KREMEN1: variants seen among roughly 807,000 people sequenced by gnomAD.
KREMEN1 encodes kremen protein 1.
In KREMEN1, 30 loss-of-function variants were observed where a neutral mutation model predicts 46.5. The observed-to-expected ratio is 0.65, with a 90% CI of 0.48 to 0.88. The LOEUF is 0.88. Among genes scored for constraint, KREMEN1 ranks in the 40% least tolerant of loss-of-function variants. The pLI is 0.00. For synonymous variants in KREMEN1, 214 were observed against 230.6 expected (o/e 0.93, Z 0.65); for missense variants, 533 against 596.9 (o/e 0.89, Z 1.11).
At chr22:29,159,373 C>G (rs1030115114) in intron 9 of KREMEN1, among the ~76,000 whole-genome samples, 2 of 151,432 alleles carry the variant, frequency 1.3e-5, no homozygotes, top group African/African-American at 4.8e-5. Context: ...GTAATCCCAG[C>G]TCTTTGGGAG....
At chr22:29,118,516 C>T (rs2038279386) in intron 3 of KREMEN1, among the ~76,000 whole-genome samples, 2 of 152,154 alleles carry the variant, frequency 1.3e-5, no homozygotes, top group Non-Finnish European at 2.9e-5. Context: ...AGTCCAGGGT[C>T]AAGGTGCTGG....
chr22:29,153,026 G>A (rs941858392), intron 9 of KREMEN1, among the ~76,000 whole-genome samples: 6 of 152,208 alleles, frequency 3.9e-5, no homozygotes, highest in Admixed American at 1.3e-4. Context: ...AAAGGGGTGG[G>A]GAGTTCCCGG....
chr22:29,138,663 A>G lies in KREMEN1; in HGVS notation c.1004A>G (p.Asn335Ser), dbSNP rs751782546. Residue 335 changes from asparagine to serine, a missense_variant, in exon 7 of 9, where the codon AAC becomes AGC. Coordinates refer to ENST00000400335, the MANE Select transcript of KREMEN1 (RefSeq NM_001039570.3). Reference protein sequence around the residue: ...EELPQERPAVNQTVAEVITEQ... With the variant: ...EELPQERPAVSQTVAEVITEQ... ...CTGCCACAGGAGAGGCCCGCTGTCA[A>G]CCAGACGGTGGCCGAGGTGATCACG... 6.2e-7 allele frequency: 1 copy of G among 1,614,230 alleles called. No homozygotes were observed. Among genetic ancestry groups the G allele is most frequent in the Admixed American group, 1.7e-5 (1 of 60,036 alleles).
chr22:29,079,348 G>A (rs1185769416), intron 1 of KREMEN1, among the ~76,000 whole-genome samples: 4 of 152,212 alleles, frequency 2.6e-5, no homozygotes, highest in African/African-American at 7.2e-5. Context: ...CACCTCACAC[G>A]CAAAGTTGCC....
intron 3 of KREMEN1, among the ~76,000 whole-genome samples, chr22:29,117,149 C>CTGTG (rs147766740): frequency 6.9e-4 from 104 of 150,862 alleles, no homozygotes; most frequent in Admixed American, 3.1e-3. Context: ...GTGTGTGTGT[C>CTGTG]TGTGTGTGTG....
chr22:29,167,241 A>G (rs2039060560), exon 10 of KREMEN1: 5 of 714,026 alleles, frequency 7.0e-6, no homozygotes, highest in Non-Finnish European at 1.2e-5. Context: ...TGCCTGTAAT[A>G]CCAGCGTTTT....
chr22:29,142,237 G>A lies in KREMEN1; in HGVS notation c.*125G>A. On this transcript the variant is annotated 3_prime_UTR_variant, in exon 9 of 9. Coordinates refer to ENST00000400335, the MANE Select transcript of KREMEN1 (RefSeq NM_001039570.3). ...CTCCCTCTGCCTCGGCCTCTTCGGG[G>A]AAACCCTCCTCCTACAGACTAGGAA... is the stretch of plus-strand genomic sequence containing the variant. 4.3e-6 allele frequency: 6 copies of A among 1,389,960 alleles called. No individual in the cohort carries two copies. The highest frequency in any genetic ancestry group is 5.6e-6 in the Non-Finnish European group (6 of 1,076,108). The allele number at this position is 1,389,960 out of a possible 1,614,324, so 86.1% of individuals were successfully genotyped here.
chr22:29,134,849 C>T (rs575729361), intron 5 of KREMEN1, among the ~76,000 whole-genome samples: 1 of 152,280 alleles, frequency 6.6e-6, no homozygotes, highest in African/African-American at 2.4e-5. Flanking sequence ...CCATCCTCAG[C>T]TTTGAGGAGT....
chr22:29,147,341 G>A (rs936652901), downstream of KREMEN1, among the ~76,000 whole-genome samples: 30 of 152,206 alleles, frequency 2.0e-4, no homozygotes, highest in Admixed American at 1.7e-3. Context: ...AGGAAGGAAA[G>A]AAGCTAATAG....
intron 9 of KREMEN1, among the ~76,000 whole-genome samples, chr22:29,162,611 G>A (rs534430795): frequency 3.4e-4 from 52 of 152,050 alleles, no homozygotes; most frequent in African/African-American, 1.2e-3. Context: ...TCAGCTACTC[G>A]GGAGGCAGGA....
At chr22:29,123,002 A>G (rs2038382454) in intron 4 of KREMEN1, among the ~76,000 whole-genome samples, 1 of 151,878 alleles carries the variant, frequency 6.6e-6, no homozygotes, top group Admixed American at 6.6e-5. Flanking sequence ...TGAATCTCCA[A>G]AACAGTAGGC....
intron 3 of KREMEN1, among the ~76,000 whole-genome samples, chr22:29,110,111 A>G (rs183033841): frequency 2.8e-4 from 42 of 152,176 alleles, no homozygotes; most frequent in Admixed American, 2.0e-3. Context: ...ACAGTTTATC[A>G]TTTCTCCCAG....
rs2038820531 is a variant in KREMEN1, at chr22:29,144,433, G to A, written c.*2321G>A. On this transcript the variant is annotated 3_prime_UTR_variant, in exon 9 of 9. Transcript: ENST00000400335. ...AGGACTGCCACCCCAGGCCCCGTGG[G>A]AGGCCTGCTGAGGGCACAGAGCTGC... is the stretch of plus-strand genomic sequence containing the variant. 1 of 985,494 alleles carries A rather than the reference G, an allele frequency of 1.0e-6. No homozygotes were observed. Among genetic ancestry groups the A allele is most frequent in the Non-Finnish European group, 1.2e-6 (1 of 830,062 alleles). 61.0% of individuals were successfully genotyped at this position (985,494 alleles called of 1,614,324 possible).
chr22:29,157,613 C>T (rs2038974501), intron 9 of KREMEN1, among the ~76,000 whole-genome samples: 2 of 152,286 alleles, frequency 1.3e-5, no homozygotes, highest in Admixed American at 1.3e-4. Flanking sequence ...GCTGGGATTA[C>T]AGGTGTGAGC....
chr22:29,078,881 G>A (rs1006898989), intron 1 of KREMEN1, among the ~76,000 whole-genome samples: 3 of 152,224 alleles, frequency 2.0e-5, no homozygotes, highest in African/African-American at 7.2e-5. Flanking sequence ...CCTTCTGGCC[G>A]GCTCACTGGG....
intron 7 of KREMEN1, 182 bp downstream of exon 7, chr22:29,138,964 C>T: frequency 1.2e-6 from 1 of 867,858 alleles, no homozygotes; most frequent in Non-Finnish European, 1.8e-6. Flanking sequence ...AGCTTGGTTC[C>T]TTAGTCCTGA....
intron 1 of KREMEN1, among the ~76,000 whole-genome samples, chr22:29,082,369 CTTTAAATAGCAGAGTCCCTGG>C (rs1246824650): frequency 2.0e-5 from 3 of 152,194 alleles, no homozygotes; most frequent in South Asian, 4.1e-4. Flanking sequence ...CATCCATTTC[CTTTAAATAGCAGAGTCCCTGG>C]TTTAAATAGC....
rs1207861612 is a variant in KREMEN1 at position 29,152,025 on chromosome 22, A to AC, written c.1416+9925_1416+9926insC. The stretch of plus-strand genomic sequence containing the variant: ...ACTCTGTCTTAAAAAAAAAAAAAAA[A>AC]AGCACAGGAGTCAGGATTTGAGCCC... On this transcript the variant is annotated intron_variant, in intron 9 of 9. Coordinates refer to the KREMEN1 transcript ENST00000327813. 2.6e-3 allele frequency among the ~76,000 whole-genome samples: 387 copies of AC among 150,930 alleles called. 4 individuals are homozygous for AC. The highest frequency in any genetic ancestry group is 3.0e-3 in the Admixed American group (45 of 15,134).
At chr22:29,124,882 G>A (rs576000262) in intron 4 of KREMEN1, among the ~76,000 whole-genome samples, 1 of 152,254 alleles carries the variant, frequency 6.6e-6, no homozygotes, top group South Asian at 2.1e-4. Flanking sequence ...TTGTAAAATG[G>A]GGCCTATAAT....
Sources: gnomAD v4.1 joint callset for allele counts (sites outside exome capture counted in the v4.1 genomes callset) on GRCh38, gnomAD v4.1.1 for gene constraint, MANE v1.5 for transcripts, NCBI Gene and HGNC (gene_info 2026-07-23, HGNC 2026-07-21) for gene names.